NFX1: variants seen among roughly 807,000 people sequenced by gnomAD.
The protein encoded by NFX1 is nuclear transcription factor, X-box binding 1, also known as transcriptional repressor NF-X1.
A neutral mutation model predicts 137.2 loss-of-function variants in NFX1; 69 were observed. The ratio of observed to expected loss-of-function variants is 0.50; its 90% confidence interval spans 0.41 to 0.61. The LOEUF is 0.61. Ranked by LOEUF, NFX1 falls within the 20% of genes least tolerant of loss-of-function variation. NFX1 has a pLI of 0.00. For synonymous variants in NFX1, 495 were observed against 474.1 expected (o/e 1.04, Z -0.57); for missense variants, 1,167 against 1,391.0 (o/e 0.84, Z 2.56).
chr9:33,344,979 T>C (rs1283234674), intron 14 of NFX1, among the ~76,000 whole-genome samples: 5 of 151,954 alleles, frequency 3.3e-5, no homozygotes, highest in African/African-American at 1.2e-4. Context: ...CTGGCCAACA[T>C]GGTGAAACCA....
intron 9 of NFX1, among the ~76,000 whole-genome samples, chr9:33,325,566 A>G (rs1223670102): frequency 1.3e-5 from 2 of 152,174 alleles, no homozygotes; most frequent in Admixed American, 6.5e-5. Context: ...CGGGATGCTG[A>G]GGCAGGAGAA....
At chr9:33,319,732 A>C (rs997003043) in intron 9 of NFX1, among the ~76,000 whole-genome samples, 5 of 152,052 alleles carry the variant, frequency 3.3e-5, no homozygotes, top group African/African-American at 1.2e-4. Context: ...CTGGTCTCGA[A>C]CTCCTGGCAC....
chr9:33,346,166 T>C (rs1823413583), intron 14 of NFX1, among the ~76,000 whole-genome samples: 1 of 152,208 alleles, frequency 6.6e-6, no homozygotes, highest in Non-Finnish European at 1.5e-5. Flanking sequence ...CCTGTGGCAT[T>C]CATACCAGCA....
At chr9:33,306,789 C>G (rs1821766150) in intron 4 of NFX1, among the ~76,000 whole-genome samples, 1 of 152,132 alleles carries the variant, frequency 6.6e-6, no homozygotes, top group East Asian at 1.9e-4. Flanking sequence ...TTCTTACTGC[C>G]TCCCCCCTTT....
chr9:33,307,518 C>T (rs1262777019), intron 5 of NFX1, among the ~76,000 whole-genome samples: 1 of 152,236 alleles, frequency 6.6e-6, no homozygotes, highest in African/African-American at 2.4e-5. Flanking sequence ...CTCTGCTTTA[C>T]AGATGAGGCT....
chr9:33,311,067 C>T, intron 5 of NFX1, 39 bp from the exon 6 acceptor site: 1 of 1,602,756 alleles, frequency 6.2e-7, no homozygotes, highest in South Asian at 1.1e-5. Flanking sequence ...GGTTTGGATA[C>T]ATGGCTGTGG....
intron 19 of NFX1, among the ~76,000 whole-genome samples, chr9:33,357,384 A>G (rs1823847646): frequency 6.6e-6 from 1 of 152,134 alleles, no homozygotes; most frequent in Non-Finnish European, 1.5e-5. Context: ...GTTCAACTGC[A>G]CTAGTATCAC....
chr9:33,340,858 A>G (rs1823194788), intron 12 of NFX1, among the ~76,000 whole-genome samples: 1 of 152,194 alleles, frequency 6.6e-6, no homozygotes, highest in African/African-American at 2.4e-5. Context: ...TCCAGTTCCC[A>G]ACAAATTCCT....
At chr9:33,309,984 A>G (rs1408343949) in intron 5 of NFX1, among the ~76,000 whole-genome samples, 1 of 152,224 alleles carries the variant, frequency 6.6e-6, no homozygotes, top group Admixed American at 6.5e-5. Context: ...GGATTGAGGT[A>G]TATATAAAAT....
At chr9:33,314,317 GT>G in intron 7 of NFX1, among the ~76,000 whole-genome samples, 1 of 151,888 alleles carries the variant, frequency 6.6e-6, no homozygotes, top group South Asian at 2.1e-4. Context: ...TTAAAATGCT[GT>G]TTAAAAGTAA....
At chr9:33,343,007 A>T (rs1823284673) in intron 13 of NFX1, among the ~76,000 whole-genome samples, 153 bp downstream of exon 13, 1 of 152,178 alleles carries the variant, frequency 6.6e-6, no homozygotes, top group African/African-American at 2.4e-5. Context: ...AGTTACTTCT[A>T]ATGCTGTGTT....
At chr9:33,300,468 T>C (rs1191683850) in intron 2 of NFX1, among the ~76,000 whole-genome samples, 2 of 152,090 alleles carry the variant, frequency 1.3e-5, no homozygotes, top group South Asian at 2.1e-4. Flanking sequence ...TGAAAGCAAA[T>C]AACAATAATA....
chr9:33,319,730 G>A (rs1377638724), intron 9 of NFX1, among the ~76,000 whole-genome samples: 1 of 152,066 alleles, frequency 6.6e-6, no homozygotes, highest in African/African-American at 2.4e-5. Context: ...GGCTGGTCTC[G>A]AACTCCTGGC....
chr9:33,336,623 T>G (rs1016266319), intron 11 of NFX1, among the ~76,000 whole-genome samples: 3 of 152,110 alleles, frequency 2.0e-5, no homozygotes, highest in Admixed American at 2.0e-4. Context: ...ATTTATTGTT[T>G]AAGACAGGGT....
At chr9:33,364,201 T>A in intron 20 of NFX1, 93 bp downstream of exon 20, 1 of 755,760 alleles carries the variant, frequency 1.3e-6, no homozygotes, top group Non-Finnish European at 2.1e-6. Flanking sequence ...CTCCTGTGAT[T>A]AAGCCAGTTC....
intron 1 of NFX1, among the ~76,000 whole-genome samples, chr9:33,291,356 T>A (rs1821153740): frequency 6.6e-6 from 1 of 152,228 alleles, no homozygotes; most frequent in African/African-American, 2.4e-5. Flanking sequence ...GCAGTGAGGT[T>A]GGTTGGTTTG....
At chr9:33,295,920 A>G (rs1444050939) in intron 2 of NFX1, among the ~76,000 whole-genome samples, 1 of 152,158 alleles carries the variant, frequency 6.6e-6, no homozygotes. Context: ...AGCAATCTTT[A>G]TAAAACACAT....
chr9:33,322,962 C>G (rs1366790835), intron 9 of NFX1, among the ~76,000 whole-genome samples: 1 of 152,346 alleles, frequency 6.6e-6, no homozygotes, highest in Admixed American at 6.5e-5. Context: ...ACAGCAAAGA[C>G]TATTCCTTCC....
At chr9:33,312,442 A>C (rs114796802) in intron 6 of NFX1, among the ~76,000 whole-genome samples, 2,923 of 152,374 alleles carry the variant, frequency 0.019, 94 homozygotes, top group African/African-American at 0.063. Context: ...ATTTATGTAC[A>C]TAACAGTGAC....
Sources: allele counts gnomAD v4.1 joint callset (sites outside exome capture counted in the v4.1 genomes callset), GRCh38; gene constraint gnomAD v4.1.1; transcripts MANE v1.5; gene names NCBI Gene and HGNC (gene_info 2026-07-23, HGNC 2026-07-21).